SOX10: variants seen among roughly 807,000 people sequenced by gnomAD.
SOX10 encodes transcription factor SOX-10.
A neutral mutation model predicts 35.0 loss-of-function variants in SOX10; 3 were observed. That is an observed-to-expected ratio of 0.09 (90% CI 0.04 to 0.22). The LOEUF is 0.22. Ranked by LOEUF, SOX10 falls within the 10% of genes least tolerant of loss-of-function variation. SOX10 has a pLI of 1.00. For synonymous variants in SOX10, 285 were observed against 291.0 expected (o/e 0.98, Z 0.21); for missense variants, 436 against 655.1 (o/e 0.67, Z 3.65).
chr22:37,973,731 C>T lies in SOX10; in HGVS notation c.1165G>A (p.Gly389Ser), dbSNP rs1397403248. Residue 389 changes from glycine (G) to serine (S), a missense_variant, in exon 4 of 4, where the codon GGC becomes AGC. Gly to Ser is a moderately conservative substitution (Grantham distance 56). Transcript: ENST00000396884. ...AYTSLSLPHY[G>S]SAFPSISRPQ... ...CGGGAGATGGAGGGGAAGGCTGAGC[C>T]ATAGTGGGGCAGGCTGAGGGAGGTG... 1 of 1,603,406 alleles carries T rather than the reference C, an allele frequency of 6.2e-7. No homozygotes were observed. The highest frequency in any genetic ancestry group is 2.2e-5 in the East Asian group (1 of 44,632).
chr22:37,979,355 C>G (rs1932323321), intron 2 of SOX10, among the ~76,000 whole-genome samples: 1 of 151,812 alleles, frequency 6.6e-6, no homozygotes, highest in South Asian at 2.1e-4. Context: ...GCCTTGGCCT[C>G]CCAAAGTGCT....
chr22:37,973,652 G>A lies in SOX10; in HGVS notation c.1244C>T (p.Ser415Leu), dbSNP rs1348367862. The A allele has an allele frequency of 4.3e-6, 7 of 1,613,682 alleles. No individual in the cohort carries two copies. The highest frequency in any genetic ancestry group is 1.7e-5 in the Admixed American group (1 of 60,002). Residue 415 changes from serine (S) to leucine (L), a missense_variant, in exon 4 of 4, where the codon TCG becomes TTG. Transcript: ENST00000396884. The stretch of plus-strand genomic sequence containing the variant: ...CGAGTAGAGGCCAGAGGCCTGGCCC[G>A]AGTGGCCATAATAGGGTCCTGAGGG... ...HQPSGPYYGH[S>L]GQASGLYSAF...
rs771990173 is a variant in SOX10 at position 37,973,513 on chromosome 22, C to T, written c.1383G>A (p.Thr461=). The T allele has an allele frequency of 8.1e-6, 13 of 1,607,138 alleles. No homozygotes were observed. The highest frequency in any genetic ancestry group is 2.1e-4 in the Middle Eastern group (1 of 4,828). Residue 461 remains threonine (T), a synonymous_variant, in exon 4 of 4, where the codon ACG becomes ACA. Coordinates refer to ENST00000396884, the MANE Select transcript of SOX10 (RefSeq NM_006941.4). The stretch of plus-strand genomic sequence containing the variant: ...GCCCCCTTTAGGGCCGGGACAGTGT[C>T]GTATATACTGGCTGCTCCCAGTGTG... ...SPTHWEQPVY[T]TLSRP
rs1932127672 is a variant in SOX10 at position 37,973,642 on chromosome 22, G to C, written c.1254C>G (p.Ala418=). 5 of 1,613,726 alleles carry C rather than the reference G, an allele frequency of 3.1e-6. 1 individual carries two copies. The East Asian group carries it at 1.1e-4, about 36-fold the overall frequency. Residue 418 remains alanine, a synonymous_variant, in exon 4 of 4, where the codon GCC becomes GCG. Transcript: ENST00000396884. ...SGPYYGHSGQ[A]SGLYSAFSYM... ...AGGAGAAGGCCGAGTAGAGGCCAGA[G>C]GCCTGGCCCGAGTGGCCATAATAGG...
intron 2 of SOX10, among the ~76,000 whole-genome samples, chr22:37,979,508 A>AG (rs1428290410): frequency 6.7e-6 from 1 of 149,924 alleles, no homozygotes; most frequent in Non-Finnish European, 1.5e-5. Flanking sequence ...GGTGGGACTG[A>AG]GGGGGCAGAT....
At position 37,977,882 on chromosome 22, in the gene SOX10, G is replaced by A. The variant is rs758684515; in HGVS notation, c.682C>T (p.Pro228Ser). The A allele has an allele frequency of 1.2e-6, 2 of 1,611,722 alleles. No individual in the cohort carries two copies. The highest frequency in any genetic ancestry group is 1.7e-6 in the Non-Finnish European group (2 of 1,179,034). Residue 228 changes from proline to serine, a missense_variant, in exon 3 of 4, where the codon CCC (proline) becomes TCC (serine). Physicochemically the swap from Pro to Ser is moderately conservative, Grantham distance 74 (BLOSUM62 -1). Transcript: ENST00000396884. ...CAGCACTCACCTGAGGGGTGCTCGG[G>A]GTTCCCATCTGACATGGGGGAGCCC... The part of the protein sequence containing the change: ...GEGSPMSDGN[P>S]EHPSGQSHGP...
chr22:37,980,553 G>C lies in SOX10; in HGVS notation c.429-2418C>G, dbSNP rs906212530. On this transcript the variant is annotated intron_variant, in intron 2 of 3. Transcript: ENST00000396884. The surrounding 1 kb of genome is among the most constrained non-coding windows in gnomAD (Gnocchi z 4.1). ...AGCTCCCTCCTCCACCAGCTGTGCC[G>C]GACAGCTGATTCCACCTCCACCCCA... Among the ~76,000 whole-genome samples the C allele has an allele frequency of 6.6e-6, 1 of 151,886 alleles. No individual in the cohort carries two copies. The highest frequency in any genetic ancestry group is 1.5e-5 in the Non-Finnish European group (1 of 67,952).
In SOX10 at chr22:37,978,256, C is replaced by G. The variant is rs532240787; in HGVS notation, c.429-121G>C. ...GATGTGAGGCCCTGGGATGGGGCACCCAGAGGACAGGACCCGGGGTGGGGG... is the reference window on the plus strand; with the variant it reads ...GATGTGAGGCCCTGGGATGGGGCACGCAGAGGACAGGACCCGGGGTGGGGG... On this transcript the variant is annotated intron_variant, in intron 2 of 3. Transcript: ENST00000396884. The surrounding 1 kb of genome is among the most constrained non-coding windows in gnomAD (Gnocchi z 5.0). The G allele has an allele frequency of 5.9e-4, 659 of 1,118,268 alleles. 10 individuals carry two copies. In the South Asian group the frequency reaches 0.011, roughly 18 times the overall value. 69.3% of individuals were successfully genotyped at this position (1,118,268 alleles called of 1,614,324 possible).
chr22:37,973,442 C>T lies in SOX10; in HGVS notation c.*53G>A. On this transcript the variant is annotated 3_prime_UTR_variant, in exon 4 of 4. Transcript: ENST00000396884. Reference sequence around the variant, plus strand: ...GGCCTGAGGTGGGCAAGGAACAGGGCACACAGGCTGGGGGCAGGGGCTGGG... The same window carrying T: ...GGCCTGAGGTGGGCAAGGAACAGGGTACACAGGCTGGGGGCAGGGGCTGGG... The T allele has an allele frequency of 8.2e-7, 1 of 1,220,784 alleles. No homozygotes were observed. The highest frequency in any genetic ancestry group is 1.1e-6 in the Non-Finnish European group (1 of 870,984). 75.6% of individuals were successfully genotyped at this position (1,220,784 alleles called of 1,614,324 possible). A position where few individuals can be genotyped will look rare whatever the true frequency, so the allele number is the denominator to read the frequency against.
chr22:37,976,388 G>A (rs140391132), intron 3 of SOX10, among the ~76,000 whole-genome samples: 58 of 152,248 alleles, frequency 3.8e-4, no homozygotes, highest in South Asian at 8.3e-4. Context: ...TAATTCACTC[G>A]TTTTCATCCC....
intron 2 of SOX10, among the ~76,000 whole-genome samples, chr22:37,981,879 G>C (rs934138958): frequency 6.6e-6 from 1 of 152,190 alleles, no homozygotes; most frequent in Non-Finnish European, 1.5e-5. Context: ...AGGGCACTGA[G>C]GGCTGAGAAG....
Position 37,972,345 on chromosome 22 carries a change from C to A in SOX10, c.*1150G>T. 1 of 739,892 alleles carries A rather than the reference C, an allele frequency of 1.4e-6. No individual in the cohort carries two copies. The highest frequency in any genetic ancestry group is 2.1e-6 in the Non-Finnish European group (1 of 475,214). 45.8% of individuals were successfully genotyped at this position (739,892 alleles called of 1,614,324 possible). ...ACCTTTAATTTTATTATGTGGAATG[C>A]TTAATGCAGAGTTAATAGGGGCTAG... On this transcript the variant is annotated 3_prime_UTR_variant, in exon 4 of 4. Transcript: ENST00000396884.
chr22:37,982,346 C>T (rs539273229), intron 2 of SOX10, among the ~76,000 whole-genome samples: 2 of 152,328 alleles, frequency 1.3e-5, no homozygotes, highest in African/African-American at 4.8e-5. Flanking sequence ...TACCGGCTCA[C>T]ATCTCCTGGA....
In SOX10 at chr22:37,977,985, C is replaced by T. The variant is rs757417870; in HGVS notation, c.579G>A (p.Gly193=). ...CGGCGGTCCCACCTTGCTCGGCCTC[C>T]CCACCGGGGCACTCCGCCTCGCCCT... ...AAQGEAECPG[G]EAEQGGTAAI... The change falls in exon 3 of 4, where the codon GGG becomes GGA. Residue 193 remains glycine (G), a synonymous_variant. Transcript: ENST00000396884. The T allele has an allele frequency of 1.2e-6, 2 of 1,611,960 alleles. No homozygotes were observed. The highest frequency in any genetic ancestry group is 2.2e-5 in the East Asian group (1 of 44,872).
Position 37,973,699 on chromosome 22 carries a change from C to T in SOX10, c.1197G>A (p.Gln399=). The T allele has an allele frequency of 1.2e-6, 2 of 1,608,470 alleles. No homozygotes were observed. Among genetic ancestry groups the T allele is most frequent in the Non-Finnish European group, 1.7e-6 (2 of 1,175,972 alleles). ...GSAFPSISRP[Q]FDYSDHQPSG... is the part of the protein sequence containing the mutation. ...AGGGCTGATGGTCAGAGTAGTCAAA[C>T]TGGGGGCGGGAGATGGAGGGGAAGG... is the stretch of plus-strand genomic sequence containing the variant. Residue 399 remains glutamine, a synonymous_variant, in exon 4 of 4, where the codon CAG becomes CAA. Transcript: ENST00000396884.
Position 37,983,208 on chromosome 22 carries a change from G to T in SOX10, c.428+149C>A. On this transcript the variant is annotated intron_variant, in intron 2 of 3. Coordinates refer to ENST00000396884, the MANE Select transcript of SOX10 (RefSeq NM_006941.4). The surrounding 1 kb of genome is among the most constrained non-coding windows in gnomAD (Gnocchi z 9.5). ...CAGGGTCCTTGTGATGGAAGGGCGG[G>T]CGCGGCCCCCACACCTGGTCTTCCA... 2 of 946,082 alleles carry T rather than the reference G, an allele frequency of 2.1e-6. No individual in the cohort carries two copies. The highest frequency in any genetic ancestry group is 3.2e-6 in the Non-Finnish European group (2 of 616,808). 58.6% of individuals were successfully genotyped at this position (946,082 alleles called of 1,614,324 possible).
chr22:37,982,955 G>C (rs1932446954), intron 2 of SOX10, among the ~76,000 whole-genome samples: 1 of 152,164 alleles, frequency 6.6e-6, no homozygotes, highest in African/African-American at 2.4e-5. Flanking sequence ...TGAATCTCCA[G>C]CCAACCCTTT....
Position 37,978,571 on chromosome 22 carries a change from G to C in SOX10, c.429-436C>G, listed in dbSNP as rs544460280. ...GGTGGGCAATAGAAGCAGCATGGCTGGGGGAGAACTCAGTCTCTGCTACTT... is the reference window on the plus strand; with the variant it reads ...GGTGGGCAATAGAAGCAGCATGGCTCGGGGAGAACTCAGTCTCTGCTACTT... On this transcript the variant is annotated intron_variant, in intron 2 of 3. Transcript: ENST00000396884. The surrounding 1 kb of genome is among the most constrained non-coding windows in gnomAD (Gnocchi z 5.0). 3.9e-5 allele frequency among the ~76,000 whole-genome samples: 6 copies of C among 152,336 alleles called. No individual in the cohort carries two copies. The South Asian group carries it at 1.0e-3, about 26-fold the overall frequency.
At chr22:37,981,933 G>C in intron 2 of SOX10, among the ~76,000 whole-genome samples, 1 of 152,190 alleles carries the variant, frequency 6.6e-6, no homozygotes, top group Non-Finnish European at 1.5e-5. Context: ...CACATGGCAA[G>C]AACAGGCCAG....
Sources: allele counts gnomAD v4.1 joint callset (sites outside exome capture counted in the v4.1 genomes callset), GRCh38; gene constraint gnomAD v4.1.1; non-coding constraint Gnocchi (gnomAD v3.1); transcripts MANE v1.5; gene names NCBI Gene and HGNC (gene_info 2026-07-23, HGNC 2026-07-21).